HFM1: variants seen among roughly 807,000 people sequenced by gnomAD.
The protein encoded by HFM1 is probable ATP-dependent DNA helicase HFM1.
Under a neutral mutation model 192.1 loss-of-function variants are expected in HFM1, and 169 were observed. The ratio of observed to expected loss-of-function variants is 0.88; its 90% CI spans 0.78 to 1.00. The LOEUF is 1.00. HFM1 is among the 50% of genes least tolerant of loss of function. The probability of loss-of-function intolerance (pLI) is 0.00; values close to 1 mark genes in which losing one functional copy is unlikely to be tolerated. For missense variants in HFM1, 1,661 were observed against 1,668.0 expected, an observed-to-expected ratio of 1.00 and a Z score of 0.07; for synonymous variants, 525 against 537.8, an observed-to-expected ratio of 0.98 and a Z score of 0.33.
Position 91,392,981 on chromosome 1 carries a change from G to A in HFM1, c.494+1112C>T, listed in dbSNP as rs1416791722. 3.3e-5 allele frequency among the ~76,000 whole-genome samples: 5 copies of A among 152,012 alleles called. No homozygotes were observed. In the South Asian group the frequency reaches 8.3e-4, roughly 25 times the overall value. ...AATTTATTTTGCAGGAGGTGAAAAT[G>A]TTTTAAAATTAGTTAATAATGATGG... On this transcript the variant is annotated intron_variant, in intron 4 of 38. Coordinates refer to ENST00000370425, the MANE Select transcript of HFM1 (RefSeq NM_001017975.6).
rs201810434 is a variant in HFM1, at chr1:91,378,066, G to A, written c.1354C>T (p.Arg452Ter). The change falls in exon 11 of 39, where the codon CGA (arginine) becomes TGA (stop). Residue 452 changes from arginine to a stop codon, truncating the protein, a stop_gained. Transcript: ENST00000370425. LOFTEE classifies it high-confidence loss of function. ...ATTGTTGCAGATACAGCTACAAATC[G>A]CATTGGAATAGCAGTGCTGGTATTT... ...LKNTSTAIPM[R>*]FVAVSATIPN... 13 of 1,611,630 alleles carry A rather than the reference G, an allele frequency of 8.1e-6. No homozygotes were observed. Among genetic ancestry groups the A allele is most frequent in the East Asian group, 2.2e-5 (1 of 44,786 alleles).
At chr1:91,331,763 G>T (rs1425764054) in intron 20 of HFM1, among the ~76,000 whole-genome samples, 1 of 152,150 alleles carries the variant, frequency 6.6e-6, no homozygotes, top group Non-Finnish European at 1.5e-5. Context: ...GGGTGTGATG[G>T]CAGGCGCCTG....
In HFM1 at chr1:91,293,133, G is replaced by A. The variant is rs1330457462; in HGVS notation, c.3392-16071C>T. Among the ~76,000 whole-genome samples the A allele has an allele frequency of 1.1e-4, 16 of 152,234 alleles. 1 individual carries two copies. Among genetic ancestry groups the A allele is most frequent in the South Asian group, 6.2e-4 (3 of 4,814 alleles). ...AAACCTAGGCATTACCATTCAGGAC[G>A]TAGGCATGGGCAAGGGCTTCATGTC... On this transcript the variant is annotated intron_variant, in intron 30 of 38. Transcript: ENST00000370425.
In HFM1 at chr1:91,266,079, G is replaced by A; in HGVS notation, c.3912C>T (p.Thr1304=). ...CTTGAAGGGGTAGCTTACTTCCCCTGGTACTTGAACTCAAAGTGTTTCCAA... is the reference window on the plus strand; with the variant it reads ...CTTGAAGGGGTAGCTTACTTCCCCTAGTACTTGAACTCAAAGTGTTTCCAA... ...SGFGNTLSSS[T]RGSKLPLQES... is the part of the protein sequence containing the mutation. Residue 1304 remains threonine (T), a synonymous_variant, in exon 36 of 39, where the codon ACC becomes ACT. Coordinates refer to ENST00000370425, the MANE Select transcript of HFM1 (RefSeq NM_001017975.6). 6.3e-7 allele frequency: 1 copy of A among 1,585,636 alleles called. No homozygotes were observed. Among genetic ancestry groups the A allele is most frequent in the Non-Finnish European group, 8.5e-7 (1 of 1,171,626 alleles).
chr1:91,270,019 A>G (rs1308360685), intron 34 of HFM1, among the ~76,000 whole-genome samples: 3 of 152,072 alleles, frequency 2.0e-5, no homozygotes, highest in Admixed American at 6.6e-5. Flanking sequence ...TTTTTCTTAT[A>G]GGTAAAGGAT....
chr1:91,348,561 C>T (rs187263360), intron 18 of HFM1, among the ~76,000 whole-genome samples: 30 of 152,078 alleles, frequency 2.0e-4, no homozygotes, highest in African/African-American at 5.8e-4. Context: ...TATAAATGTC[C>T]ATCAATTGGG....
chr1:91,328,868 TG>T, intron 20 of HFM1: 2 of 1,610,896 alleles, frequency 1.2e-6, no homozygotes, highest in African/African-American at 2.7e-5. Flanking sequence ...AGAGGCCAGC[TG>T]TGCTGCCCTG....
intron 20 of HFM1, among the ~76,000 whole-genome samples, chr1:91,330,242 A>C (rs1394993974): frequency 6.6e-6 from 1 of 152,162 alleles, no homozygotes; most frequent in East Asian, 1.9e-4. Flanking sequence ...AAAGTCAATA[A>C]AATTATAAAA....
chr1:91,289,582 G>A (rs1385499299), intron 30 of HFM1, among the ~76,000 whole-genome samples: 1 of 152,188 alleles, frequency 6.6e-6, no homozygotes, highest in Non-Finnish European at 1.5e-5. Context: ...ATTGAGCACT[G>A]AGTGAGCGAG....
chr1:91,294,592 G>C (rs1647249761), intron 30 of HFM1, among the ~76,000 whole-genome samples: 1 of 152,144 alleles, frequency 6.6e-6, no homozygotes, highest in Admixed American at 6.5e-5. Flanking sequence ...CTGCTTTTGG[G>C]TTGCAAACAC....
rs150436796 is a variant in HFM1, at chr1:91,270,803, A to G, written c.3772+2909T>C. 3.8e-3 allele frequency among the ~76,000 whole-genome samples: 574 copies of G among 152,268 alleles called. 1 individual carries two copies. The highest frequency in any genetic ancestry group is 4.4e-3 in the Non-Finnish European group (297 of 68,010). ...CTTAGAAAGTCACTAAATGGCCTGAACAAAAACAGCTTCAAAGGACTGATA... is the reference window on the plus strand; with the variant it reads ...CTTAGAAAGTCACTAAATGGCCTGAGCAAAAACAGCTTCAAAGGACTGATA... On this transcript the variant is annotated intron_variant, in intron 34 of 38. Coordinates refer to ENST00000370425, the MANE Select transcript of HFM1 (RefSeq NM_001017975.6).
At chr1:91,337,663 C>A (rs1380717370) in intron 20 of HFM1, among the ~76,000 whole-genome samples, 1 of 152,156 alleles carries the variant, frequency 6.6e-6, no homozygotes. Flanking sequence ...GCCTCTGTCA[C>A]CCTGTGACCT....
intron 30 of HFM1, among the ~76,000 whole-genome samples, chr1:91,283,454 T>C (rs1038009326): frequency 3.3e-5 from 5 of 152,070 alleles, no homozygotes; most frequent in Non-Finnish European, 5.9e-5. Flanking sequence ...AGACCAGCCA[T>C]GTTGCCCAGG....
chr1:91,354,552 T>C (rs1450813623), intron 13 of HFM1, among the ~76,000 whole-genome samples: 1 of 151,918 alleles, frequency 6.6e-6, no homozygotes, highest in Non-Finnish European at 1.5e-5. Flanking sequence ...ATAACCAAAA[T>C]GTGGAAAGTC....
intron 11 of HFM1, among the ~76,000 whole-genome samples, chr1:91,376,524 G>A (rs553225022): frequency 6.6e-6 from 1 of 151,920 alleles, no homozygotes; most frequent in Non-Finnish European, 1.5e-5. Context: ...AAGGGGAAAA[G>A]TTTCAAGAAT....
At position 91,380,254 on chromosome 1, in the gene HFM1, A is replaced by G; in HGVS notation, c.874-18T>C. The stretch of plus-strand genomic sequence containing the variant: ...TAAAGAAGCTAAAAAATAAAAAGTA[A>G]TCAATCATGTAACATATAGACTTTT... On this transcript the variant is annotated intron_variant, in intron 7 of 38. Transcript: ENST00000370425. 1 of 1,464,614 alleles carries G rather than the reference A, an allele frequency of 6.8e-7. No individual in the cohort carries two copies. The highest frequency in any genetic ancestry group is 9.2e-7 in the Non-Finnish European group (1 of 1,087,632). 90.7% of individuals were successfully genotyped at this position (1,464,614 alleles called of 1,614,324 possible). A position where few individuals can be genotyped will look rare whatever the true frequency, so the allele number is the denominator to read the frequency against.
intron 13 of HFM1, among the ~76,000 whole-genome samples, chr1:91,353,652 CA>C (rs1553213572): frequency 0.19 from 12,412 of 65,270 alleles, 791 homozygotes; most frequent in Admixed American, 0.24. Context: ...AGTAAATAAG[CA>C]AAAAAAAAAA....
At chr1:91,377,885 G>A (rs1475059994) in intron 11 of HFM1, 140 bp downstream of exon 11, 5 of 761,944 alleles carry the variant, frequency 6.6e-6, no homozygotes, top group African/African-American at 1.8e-5. Flanking sequence ...TTATATTTAT[G>A]AGATCTAGCC....
intron 20 of HFM1, among the ~76,000 whole-genome samples, chr1:91,342,717 G>C (rs919271864): frequency 6.6e-6 from 1 of 152,134 alleles, no homozygotes; most frequent in Non-Finnish European, 1.5e-5. Context: ...CCCAGTTAAT[G>C]AACCTAAGAT....
Sources: allele counts gnomAD v4.1 joint callset (sites outside exome capture counted in the v4.1 genomes callset), GRCh38; gene constraint gnomAD v4.1.1; transcripts MANE v1.5; gene names NCBI Gene and HGNC (gene_info 2026-07-23, HGNC 2026-07-21).